STXBP4: variants seen among roughly 807,000 people sequenced by gnomAD.
STXBP4 encodes the protein syntaxin binding protein 4, also known as syntaxin-binding protein 4.
A neutral mutation model predicts 76.1 loss-of-function variants in STXBP4; 55 were observed. The ratio of observed to expected loss-of-function variants is 0.72; its 90% CI spans 0.58 to 0.91. The LOEUF (loss-of-function observed/expected upper bound fraction) is 0.91. Among genes scored for constraint, STXBP4 ranks in the 40% least tolerant of loss-of-function variants. The pLI is 0.00. For synonymous variants in STXBP4, 201 were observed against 220.2 expected (o/e 0.91, Z 0.77); for missense variants, 618 against 636.9 (o/e 0.97, Z 0.32).
In STXBP4 at chr17:55,164,197, T is replaced by C. The variant is rs1385226453; in HGVS notation, c.*4286T>C. The C allele has an allele frequency of 6.6e-6, 1 of 152,246 alleles. No individual in the cohort carries two copies. The highest frequency in any genetic ancestry group is 2.4e-5 in the African/African-American group (1 of 41,466). 9.4% of individuals were successfully genotyped at this position (152,246 alleles called of 1,614,324 possible). On this transcript the variant is annotated 3_prime_UTR_variant, in exon 18 of 18. Coordinates refer to ENST00000376352, the MANE Select transcript of STXBP4 (RefSeq NM_178509.6). Reference sequence around the variant, plus strand: ...GGTGTTTTAACTACAACTGTCTACATGTAATAGTGTGTCTGCATAATGACT... The same window carrying C: ...GGTGTTTTAACTACAACTGTCTACACGTAATAGTGTGTCTGCATAATGACT...
At chr17:55,092,571 C>G (rs139886346) in intron 16 of STXBP4, among the ~76,000 whole-genome samples, 8 of 152,274 alleles carry the variant, frequency 5.3e-5, no homozygotes, top group African/African-American at 1.9e-4. Flanking sequence ...ATAAGACTGT[C>G]AAGCAGTGAC....
chr17:55,024,933 C>T (rs757033736), intron 8 of STXBP4, among the ~76,000 whole-genome samples: 44 of 151,914 alleles, frequency 2.9e-4, no homozygotes, highest in African/African-American at 9.4e-4. Context: ...GTCAGGAGAT[C>T]GAAACCATCC....
At chr17:54,982,705 T>C (rs1038650476) in intron 1 of STXBP4, among the ~76,000 whole-genome samples, 3 of 151,212 alleles carry the variant, frequency 2.0e-5, no homozygotes, top group Non-Finnish European at 2.9e-5. Flanking sequence ...AAAGAGAGAG[T>C]AGGAAGCAGG....
rs192633737 is a variant in STXBP4, at chr17:55,169,020, A to T, written c.*9109A>T. The T allele has an allele frequency of 2.0e-5, 3 of 152,374 alleles. No individual in the cohort carries two copies. The highest frequency in any genetic ancestry group is 2.0e-4 in the Admixed American group (3 of 15,306). 9.4% of individuals were successfully genotyped at this position (152,374 alleles called of 1,614,324 possible). ...CAAATTCATGCATGCACAGGCAAAG[A>T]CAACCATATCACTATGACCACCTGG... On this transcript the variant is annotated 3_prime_UTR_variant, in exon 18 of 18. Coordinates refer to ENST00000376352, the MANE Select transcript of STXBP4 (RefSeq NM_178509.6).
At chr17:55,197,402 G>A in the STXBP4 span, among the ~76,000 whole-genome samples, 1 of 152,338 alleles carries the variant, frequency 6.6e-6, no homozygotes, top group Admixed American at 6.5e-5. Flanking sequence ...CAAGCCTATG[G>A]CTTTCACTAG....
At position 55,007,534 on chromosome 17, in the gene STXBP4, T is replaced by C. The variant is rs1158431143; in HGVS notation, c.603T>C (p.Tyr201=). Residue 201 remains tyrosine, a synonymous_variant, in exon 8 of 18, where the codon TAT becomes TAC. Transcript: ENST00000376352. ...TDVASAWTEN[Y]GLQEKISLNP... The stretch of plus-strand genomic sequence containing the variant: ...TTGCTTCTGCCTGGACTGAAAATTA[T>C]GGGCTACAAGAAAAGATCTCCCTAA... 18 of 1,611,656 alleles carry C rather than the reference T, an allele frequency of 1.1e-5. No individual in the cohort carries two copies. The highest frequency in any genetic ancestry group is 4.4e-5 in the South Asian group (4 of 90,268).
intron 8 of STXBP4, among the ~76,000 whole-genome samples, chr17:55,010,325 A>G (rs545746963): frequency 6.6e-6 from 1 of 152,110 alleles, no homozygotes; most frequent in South Asian, 2.1e-4. Flanking sequence ...ATTGTCATGA[A>G]TTCTTTTATA....
rs371268309 is a variant in STXBP4 at position 55,011,827 on chromosome 17, A to G, written c.666+4230A>G. Among the ~76,000 whole-genome samples the G allele has an allele frequency of 1.5e-3, 222 of 152,240 alleles. 7 individuals carry two copies. In the South Asian group the frequency reaches 0.045, roughly 31 times the overall value. ...CTTAGTCGGCCTAGGAAATCCAGCTAGTCCTGTCTCTCAGTCCCCCCTCTC... is the reference window on the plus strand; with the variant it reads ...CTTAGTCGGCCTAGGAAATCCAGCTGGTCCTGTCTCTCAGTCCCCCCTCTC... On this transcript the variant is annotated intron_variant, in intron 8 of 17. Coordinates refer to ENST00000376352, the MANE Select transcript of STXBP4 (RefSeq NM_178509.6).
At chr17:55,150,524 A>G (rs1389667881) in intron 17 of STXBP4, among the ~76,000 whole-genome samples, 2 of 152,212 alleles carry the variant, frequency 1.3e-5, no homozygotes, top group African/African-American at 2.4e-5. Context: ...TTTAGGAGGG[A>G]CATAGTTCAG....
At chr17:55,187,360 G>A in the STXBP4 span, among the ~76,000 whole-genome samples, 1 of 151,828 alleles carries the variant, frequency 6.6e-6, no homozygotes, top group Admixed American at 6.6e-5. Context: ...TCACAGCCAA[G>A]TATGTGATAA....
chr17:54,993,468 A>T (rs963546567), intron 4 of STXBP4, among the ~76,000 whole-genome samples: 1 of 131,678 alleles, frequency 7.6e-6, no homozygotes, highest in African/African-American at 3.1e-5. Context: ...GCAACAGAGC[A>T]TTTCTAAAAA....
intron 13 of STXBP4, among the ~76,000 whole-genome samples, chr17:55,073,513 A>G (rs1363568462): frequency 6.6e-6 from 1 of 152,192 alleles, no homozygotes; most frequent in Non-Finnish European, 1.5e-5. Context: ...TAGATAATTA[A>G]TGGGAAGAAA....
At chr17:55,129,746 T>C (rs2079954499) in intron 16 of STXBP4, among the ~76,000 whole-genome samples, 2 of 152,190 alleles carry the variant, frequency 1.3e-5, no homozygotes, top group African/African-American at 2.4e-5. Flanking sequence ...TTGTATAAAA[T>C]AAATAATAGG....
intron 12 of STXBP4, among the ~76,000 whole-genome samples, chr17:55,072,084 GGTTTT>G (rs1318459998): frequency 6.6e-6 from 1 of 152,060 alleles, no homozygotes; most frequent in East Asian, 1.9e-4. Flanking sequence ...ACCTGTATGG[GGTTTT>G]TTTGTTTTTT....
chr17:55,196,654 G>T, the STXBP4 span, among the ~76,000 whole-genome samples: 68 of 152,274 alleles, frequency 4.5e-4, no homozygotes, highest in African/African-American at 1.6e-3. Context: ...TAGACTGTGG[G>T]CTCCTTTAAG....
chr17:55,064,498 TTC>T (rs138254388), intron 12 of STXBP4, among the ~76,000 whole-genome samples: 2,364 of 152,282 alleles, frequency 0.016, 60 homozygotes, highest in African/African-American at 0.052. Flanking sequence ...CAAATTGCCT[TTC>T]TAATGTTTGT....
intron 17 of STXBP4, among the ~76,000 whole-genome samples, chr17:55,146,987 A>G (rs1247716872): frequency 6.6e-6 from 1 of 152,222 alleles, no homozygotes; most frequent in Non-Finnish European, 1.5e-5. Flanking sequence ...GGTTCAGTGT[A>G]AGAGGCGCCT....
intron 7 of STXBP4, among the ~76,000 whole-genome samples, chr17:55,001,417 A>G (rs1476496118): frequency 2.0e-5 from 3 of 152,194 alleles, no homozygotes; most frequent in Non-Finnish European, 4.4e-5. Context: ...AGCGTTAATT[A>G]TCTAAGCCAA....
chr17:55,142,566 C>G (rs1009288736), intron 17 of STXBP4, among the ~76,000 whole-genome samples: 2 of 152,054 alleles, frequency 1.3e-5, no homozygotes, highest in African/African-American at 4.8e-5. Context: ...TAGCATAGAA[C>G]TTGGAACACA....
Sources: allele counts gnomAD v4.1 joint callset (sites outside exome capture counted in the v4.1 genomes callset), GRCh38; gene constraint gnomAD v4.1.1; transcripts MANE v1.5; gene names NCBI Gene and HGNC (gene_info 2026-07-23, HGNC 2026-07-21).